Variants in TMTC3 observed in about 807,000 individuals in gnomAD.
The protein encoded by TMTC3 is protein O-mannosyl-transferase TMTC3.
A neutral mutation model predicts 92.2 loss-of-function variants in TMTC3; 52 were observed. The ratio of observed to expected loss-of-function variants is 0.56; its 90% CI spans 0.45 to 0.71. TMTC3 has a LOEUF of 0.71. Among genes scored for constraint, TMTC3 ranks in the 30% least tolerant of loss-of-function variants. The pLI, the probability that TMTC3 is intolerant of heterozygous loss-of-function variation, is 0.00. For synonymous variants in TMTC3, 339 were observed against 363.3 expected, an observed-to-expected ratio of 0.93 and a Z score of 0.76; for missense variants, 896 against 1,057.1, an observed-to-expected ratio of 0.85 and a Z score of 2.11.
At chr12:88,143,312 A>G (rs911817173) in intron 1 of TMTC3, among the ~76,000 whole-genome samples, 2 of 152,214 alleles carry the variant, frequency 1.3e-5, no homozygotes, top group African/African-American at 2.4e-5. Context: ...ATTTTGTGAG[A>G]TGAATTTTAA....
At chr12:88,179,707 A>G (rs912534970) in intron 10 of TMTC3, among the ~76,000 whole-genome samples, 4 of 152,112 alleles carry the variant, frequency 2.6e-5, no homozygotes, top group Admixed American at 2.6e-4. Flanking sequence ...AGCCACCAAG[A>G]GAGTGCAGCC....
chr12:88,167,201 C>T (rs1057157814), intron 7 of TMTC3, among the ~76,000 whole-genome samples: 1 of 151,854 alleles, frequency 6.6e-6, no homozygotes, highest in Non-Finnish European at 1.5e-5. Context: ...TTGAGACCAG[C>T]CTGGTCAACC....
intron 10 of TMTC3, among the ~76,000 whole-genome samples, chr12:88,179,246 G>T (rs1347604358): frequency 6.6e-6 from 1 of 152,134 alleles, no homozygotes; most frequent in Non-Finnish European, 1.5e-5. Flanking sequence ...GGGTTTGACA[G>T]ATGAAATGAC....
Position 88,195,884 on chromosome 12 carries a change from A to G in TMTC3, c.*235A>G, listed in dbSNP as rs1312552491. ...TAGCAGAAATATTACAGCGGAAGTG[A>G]CAAATTTACAACTTTTATTATAGAA... On this transcript the variant is annotated 3_prime_UTR_variant, in exon 14 of 14. Coordinates refer to ENST00000266712, the MANE Select transcript of TMTC3 (RefSeq NM_181783.4). The G allele has an allele frequency of 6.3e-6, 2 of 318,354 alleles. No individual in the cohort carries two copies. The highest frequency in any genetic ancestry group is 1.1e-5 in the Non-Finnish European group (2 of 176,188). The allele number at this position is 318,354 out of a possible 1,614,324, so 19.7% of individuals were successfully genotyped here.
chr12:88,186,917 G>C (rs555404094), intron 10 of TMTC3, among the ~76,000 whole-genome samples: 42 of 152,154 alleles, frequency 2.8e-4, no homozygotes, highest in African/African-American at 9.4e-4. Context: ...AATTCTAAGA[G>C]CATGATTTCA....
intron 10 of TMTC3, among the ~76,000 whole-genome samples, chr12:88,184,147 C>T (rs1441762170): frequency 6.6e-6 from 1 of 152,088 alleles, no homozygotes; most frequent in East Asian, 1.9e-4. Flanking sequence ...GCACCACCAA[C>T]AAGAGAGTGC....
chr12:88,182,181 G>A (rs2041325617), intron 10 of TMTC3, among the ~76,000 whole-genome samples: 1 of 152,184 alleles, frequency 6.6e-6, no homozygotes, highest in Non-Finnish European at 1.5e-5. Flanking sequence ...CAGTACGTGA[G>A]CAAAAAACCC....
At chr12:88,151,204 C>T (rs930116393) in intron 2 of TMTC3, among the ~76,000 whole-genome samples, 24 of 152,058 alleles carry the variant, frequency 1.6e-4, no homozygotes, top group African/African-American at 5.8e-4. Flanking sequence ...CCAGGTGATT[C>T]TTTGGTATAG....
At chr12:88,180,929 A>C (rs1336878974) in intron 10 of TMTC3, among the ~76,000 whole-genome samples, 1 of 152,226 alleles carries the variant, frequency 6.6e-6, no homozygotes, top group South Asian at 2.1e-4. Flanking sequence ...AATTTTAAAA[A>C]TTAAGGGTAA....
At chr12:88,170,411 A>T (rs567979224) in intron 7 of TMTC3, among the ~76,000 whole-genome samples, 120 of 151,936 alleles carry the variant, frequency 7.9e-4, no homozygotes, top group African/African-American at 2.9e-3. Context: ...TTTGCTGATT[A>T]TTTTTGTCAA....
intron 7 of TMTC3, among the ~76,000 whole-genome samples, chr12:88,170,470 T>C (rs1248608936): frequency 2.0e-5 from 3 of 152,208 alleles, no homozygotes; most frequent in Admixed American, 6.5e-5. Context: ...TAGTTATTCT[T>C]ACCTTTTTGA....
Position 88,198,378 on chromosome 12 carries a change from AAG to A in TMTC3, c.*2733_*2734del, listed in dbSNP as rs1432091166. ...ATAGTTTTAATTCTCACTGTCTCAAAAGAGAATCAGCTCTCCAGCAGTTCTAG... is the reference window on the plus strand; with the variant it reads ...ATAGTTTTAATTCTCACTGTCTCAAAAGAATCAGCTCTCCAGCAGTTCTAG... On this transcript the variant is annotated 3_prime_UTR_variant, in exon 14 of 14. Transcript: ENST00000266712. 169 of 398,090 alleles carry A rather than the reference AAG, an allele frequency of 4.2e-4. 3 individuals are homozygous for A. In the East Asian group the frequency reaches 6.0e-3, roughly 14 times the overall value. 24.7% of individuals were successfully genotyped at this position (398,090 alleles called of 1,614,324 possible).
intron 8 of TMTC3, 101 bp downstream of exon 8, chr12:88,172,846 T>C: frequency 6.7e-7 from 1 of 1,489,814 alleles, no homozygotes; most frequent in Non-Finnish European, 9.0e-7. Flanking sequence ...CATGCTTTTG[T>C]ATCTTTTGGT....
chr12:88,161,937 G>C (rs755232498), intron 6 of TMTC3, among the ~76,000 whole-genome samples: 1 of 151,788 alleles, frequency 6.6e-6, no homozygotes, highest in Non-Finnish European at 1.5e-5. Flanking sequence ...TGTCTTGGAG[G>C]AATTTAAATA....
At chr12:88,171,572 T>G (rs2041205228) in intron 7 of TMTC3, among the ~76,000 whole-genome samples, 1 of 152,182 alleles carries the variant, frequency 6.6e-6, no homozygotes, top group African/African-American at 2.4e-5. Context: ...AAAGTGTATA[T>G]GTACCACATT....
Position 88,156,811 on chromosome 12 carries a change from G to GTTTT in TMTC3, c.508+2438_508+2441dup, listed in dbSNP as rs56284816. ...ATGCTAAGGTTTTGTGTGTGTGTGT[G>GTTTT]TTTTTTTTTTTTTTTTTACAAAAAG... is the stretch of plus-strand genomic sequence containing the variant. On this transcript the variant is annotated intron_variant, in intron 4 of 13. Coordinates refer to ENST00000266712, the MANE Select transcript of TMTC3 (RefSeq NM_181783.4). 1.6e-3 allele frequency among the ~76,000 whole-genome samples: 212 copies of GTTTT among 136,668 alleles called. 6 individuals carry two copies. Among genetic ancestry groups the GTTTT allele is most frequent in the Admixed American group, 3.4e-3 (47 of 13,728 alleles). 89.7% of individuals were successfully genotyped at this position (136,668 alleles called of 152,430 possible).
chr12:88,168,380 A>AT (rs34058060), intron 7 of TMTC3, among the ~76,000 whole-genome samples: 132,069 of 152,026 alleles, frequency 0.87, 58,618 homozygotes, highest in East Asian at 0.99. Flanking sequence ...GATAAACTTG[A>AT]TTAATTCCTC....
At chr12:88,156,812 T>TG (rs1555232082) in intron 4 of TMTC3, among the ~76,000 whole-genome samples, 66 of 16,984 alleles carry the variant, frequency 3.9e-3, no homozygotes, top group East Asian at 0.12. Context: ...TGTGTGTGTG[T>TG]TTTTTTTTTT....
intron 10 of TMTC3, among the ~76,000 whole-genome samples, chr12:88,188,309 G>A (rs1422032425): frequency 1.3e-5 from 2 of 152,018 alleles, no homozygotes; most frequent in African/African-American, 4.8e-5. Flanking sequence ...AAATCCTGAT[G>A]ATTCATTTTA....
Sources: gnomAD v4.1 joint callset for allele counts (sites outside exome capture counted in the v4.1 genomes callset) on GRCh38, gnomAD v4.1.1 for gene constraint, MANE v1.5 for transcripts, NCBI Gene and HGNC (gene_info 2026-07-23, HGNC 2026-07-21) for gene names.